ROBO2: variants seen among roughly 807,000 people sequenced by gnomAD.
ROBO2 encodes the protein roundabout homolog 2.
ROBO2 carries 53 observed loss-of-function variants against 160.8 expected under a neutral mutation model. The ratio of observed to expected loss-of-function variants is 0.33; its 90% CI spans 0.26 to 0.41. The LOEUF (loss-of-function observed/expected upper bound fraction) is 0.41, where lower values mean the gene tolerates loss of function less well. Among genes scored for constraint, ROBO2 ranks in the 10% least tolerant of loss-of-function variants. ROBO2 has a pLI of 1.00. For synonymous variants in ROBO2, 664 were observed against 611.7 expected, an observed-to-expected ratio of 1.09 and a Z score of -1.26; for missense variants, 1,577 against 1,722.4, an observed-to-expected ratio of 0.92 and a Z score of 1.49.
intron 2 of ROBO2, among the ~76,000 whole-genome samples, chr3:76,952,938 T>C (rs967067379): frequency 6.6e-6 from 1 of 152,196 alleles, no homozygotes; most frequent in African/African-American, 2.4e-5. Flanking sequence ...TTTTATGTAA[T>C]CAAACATCAG....
At chr3:77,138,583 A>G (rs1476236745) in intron 2 of ROBO2, among the ~76,000 whole-genome samples, 1 of 152,236 alleles carries the variant, frequency 6.6e-6, no homozygotes, top group Non-Finnish European at 1.5e-5. Flanking sequence ...CTAATTGTGA[A>G]TAGATAAAAG....
Position 77,485,139 on chromosome 3 carries a change from G to A in ROBO2, c.667+3920G>A, listed in dbSNP as rs147043647. ...TGGAATGCTGGATCTGCTGTTTTCT[G>A]CATCCTATGTTTGTTTCTTTCTTGG... On this transcript the variant is annotated intron_variant, in intron 4 of 25. Transcript: ENST00000461745. Among the ~76,000 whole-genome samples the A allele has an allele frequency of 4.7e-3, 708 of 152,152 alleles. 3 individuals carry two copies. The highest frequency in any genetic ancestry group is 0.015 in the African/African-American group (635 of 41,514).
intron 1 of ROBO2, among the ~76,000 whole-genome samples, chr3:77,082,303 A>G (rs1485185811): frequency 1.3e-5 from 2 of 152,194 alleles, no homozygotes; most frequent in Non-Finnish European, 1.5e-5. Context: ...TTGACACTTC[A>G]GTTTTCAGCC....
chr3:76,679,047 G>A (rs1315968126), intron 2 of ROBO2, among the ~76,000 whole-genome samples: 4 of 146,270 alleles, frequency 2.7e-5, no homozygotes, highest in South Asian at 4.4e-4. Context: ...TTGACAGATG[G>A]GACAAGTATG....
intron 2 of ROBO2, among the ~76,000 whole-genome samples, chr3:76,760,375 C>T (rs1321392945): frequency 6.6e-6 from 1 of 151,548 alleles, no homozygotes; most frequent in East Asian, 2.0e-4. Context: ...ATGGGCACAC[C>T]ATGGCTGAAA....
At chr3:77,210,425 G>C (rs1468815086) in intron 2 of ROBO2, among the ~76,000 whole-genome samples, 14 of 151,906 alleles carry the variant, frequency 9.2e-5, no homozygotes, top group South Asian at 2.1e-4. Flanking sequence ...ATATAATATT[G>C]TTAAAAATTG....
At chr3:76,522,534 TA>T (rs2081683778) in intron 2 of ROBO2, among the ~76,000 whole-genome samples, 1 of 152,082 alleles carries the variant, frequency 6.6e-6, no homozygotes, top group East Asian at 1.9e-4. Context: ...AAATAAGTTC[TA>T]AATTCATGGA....
intron 2 of ROBO2, among the ~76,000 whole-genome samples, chr3:76,066,579 T>TTAAGGA (rs1198885173): frequency 3.3e-5 from 5 of 152,052 alleles, no homozygotes; most frequent in African/African-American, 1.2e-4. Context: ...AAACTTTATT[T>TTAAGGA]TAAGGATATT....
intron 2 of ROBO2, among the ~76,000 whole-genome samples, chr3:76,048,200 A>T (rs1260339014): frequency 6.6e-6 from 1 of 152,204 alleles, no homozygotes; most frequent in Non-Finnish European, 1.5e-5. Flanking sequence ...TAAAAAAAAG[A>T]AAATGGTTGC....
At chr3:77,009,776 T>C (rs954216590) in intron 2 of ROBO2, among the ~76,000 whole-genome samples, 5 of 151,804 alleles carry the variant, frequency 3.3e-5, no homozygotes, top group Non-Finnish European at 7.4e-5. Flanking sequence ...TGAAAACCCA[T>C]CTCTACTAAA....
At chr3:76,929,738 G>T (rs150039946) in intron 2 of ROBO2, among the ~76,000 whole-genome samples, 3 of 151,882 alleles carry the variant, frequency 2.0e-5, no homozygotes, top group Non-Finnish European at 4.4e-5. Context: ...TCTCAGGGAA[G>T]AAGAGACTCC....
intron 2 of ROBO2, among the ~76,000 whole-genome samples, chr3:76,916,276 G>T (rs1343439850): frequency 6.6e-6 from 1 of 152,158 alleles, no homozygotes; most frequent in Non-Finnish European, 1.5e-5. Flanking sequence ...ATTAACTTTG[G>T]TTAAGAACGT....
chr3:77,644,915 A>C lies in ROBO2; in HGVS notation c.4135+11A>C, dbSNP rs747764081. On this transcript the variant is annotated intron_variant, in intron 25 of 25. Transcript: ENST00000461745. ...TTACAGGTGAATTATGTAAGTGCTT[A>C]GGTCATTTAAAAGGCTATCGTGATT... 8.1e-6 allele frequency: 13 copies of C among 1,612,816 alleles called. No individual in the cohort carries two copies. The highest frequency in any genetic ancestry group is 1.7e-5 in the Admixed American group (1 of 60,006).
chr3:76,138,791 T>C (rs2071524127), intron 2 of ROBO2, among the ~76,000 whole-genome samples: 1 of 152,230 alleles, frequency 6.6e-6, no homozygotes, highest in East Asian at 1.9e-4. Context: ...GTGTTCACAA[T>C]GCCATTTATG....
At chr3:76,780,796 C>T (rs2062593305) in intron 2 of ROBO2, among the ~76,000 whole-genome samples, 1 of 150,612 alleles carries the variant, frequency 6.6e-6, no homozygotes, top group Non-Finnish European at 1.5e-5. Context: ...ATGCCAGTAC[C>T]ATCCTGTTTT....
intron 2 of ROBO2, among the ~76,000 whole-genome samples, chr3:76,199,703 C>G (rs140596995): frequency 9.2e-5 from 14 of 152,298 alleles, no homozygotes; most frequent in African/African-American, 3.4e-4. Context: ...CTGTCAATAA[C>G]TGTCAACTTC....
Position 77,536,798 on chromosome 3 carries a change from T to C in ROBO2, c.935-9540T>C, listed in dbSNP as rs2092136313. Among the ~76,000 whole-genome samples, 3 of 152,190 alleles carry C rather than the reference T, an allele frequency of 2.0e-5. No homozygotes were observed. The South Asian group carries it at 6.2e-4, about 31-fold the overall frequency. ...TTATTACTGTGGTACGTTCCAGTAA[T>C]ATTTTGCCTTCAAAAACAAAAATAT... is the stretch of plus-strand genomic sequence containing the variant. On this transcript the variant is annotated intron_variant, in intron 6 of 25. Transcript: ENST00000461745.
At chr3:76,425,934 G>C (rs9827843) in intron 2 of ROBO2, among the ~76,000 whole-genome samples, 101,287 of 152,010 alleles carry the variant, frequency 0.67, 34,484 homozygotes, top group African/African-American at 0.82. Flanking sequence ...CAGTTTCCCA[G>C]TTAGCATCAA....
At chr3:76,036,235 C>T (rs1307865108) in intron 2 of ROBO2, among the ~76,000 whole-genome samples, 6 of 151,658 alleles carry the variant, frequency 4.0e-5, no homozygotes, top group African/African-American at 7.3e-5. Context: ...CTGCAACCGC[C>T]GCCTCCCGGG....
Sources: gnomAD v4.1 joint callset for allele counts (sites outside exome capture counted in the v4.1 genomes callset) on GRCh38, gnomAD v4.1.1 for gene constraint, MANE v1.5 for transcripts, NCBI Gene and HGNC (gene_info 2026-07-23, HGNC 2026-07-21) for gene names.